Variants in PRKCA observed in about 807,000 individuals in gnomAD.
The protein encoded by PRKCA is protein kinase C alpha.
Under a neutral mutation model 87.0 loss-of-function variants are expected in PRKCA, and 27 were observed. The ratio of observed to expected loss-of-function variants is 0.31; its 90% confidence interval spans 0.23 to 0.43. The LOEUF is 0.43. Among genes scored for constraint, PRKCA ranks in the 20% least tolerant of loss-of-function variants. The probability of loss-of-function intolerance (pLI) is 1.00; values close to 1 mark genes in which losing one functional copy is unlikely to be tolerated. For missense variants in PRKCA, 518 were observed against 852.3 expected (o/e 0.61, Z 4.88); for synonymous variants, 329 against 311.1 (o/e 1.06, Z -0.61).
chr17:66,450,880 C>T (rs76401193), intron 2 of PRKCA, among the ~76,000 whole-genome samples: 239 of 152,290 alleles, frequency 1.6e-3, no homozygotes, highest in African/African-American at 5.4e-3. Flanking sequence ...TGGTTTTTAA[C>T]TTTTGATGAA....
At chr17:66,742,811 G>T (rs146433763) in intron 13 of PRKCA, 51 bp downstream of exon 13, 7 of 1,594,472 alleles carry the variant, frequency 4.4e-6, no homozygotes, top group African/African-American at 1.3e-5. Context: ...AACTGTAAAC[G>T]CAGCCCTCTC....
At chr17:66,382,843 C>A (rs1909839255) in intron 2 of PRKCA, among the ~76,000 whole-genome samples, 1 of 151,970 alleles carries the variant, frequency 6.6e-6, no homozygotes. Context: ...ACAGACACCC[C>A]CCCATTACCA....
intron 13 of PRKCA, among the ~76,000 whole-genome samples, chr17:66,773,383 C>T (rs780484339): frequency 1.3e-5 from 2 of 151,866 alleles, no homozygotes; most frequent in Non-Finnish European, 2.9e-5. Flanking sequence ...CACAAGAAAA[C>T]TATAATGTTT....
chr17:66,688,267 A>C (rs1235511523), intron 6 of PRKCA, 35 bp from the exon 7 acceptor site: 1 of 1,610,432 alleles, frequency 6.2e-7, no homozygotes, highest in Admixed American at 1.7e-5. Context: ...CATGATCAAG[A>C]TAACCTAGTG....
At chr17:66,471,346 C>T (rs1160897547) in intron 2 of PRKCA, among the ~76,000 whole-genome samples, 1 of 152,196 alleles carries the variant, frequency 6.6e-6, no homozygotes, top group Non-Finnish European at 1.5e-5. Context: ...TCTAAGAGAG[C>T]ATTTATCATT....
intron 8 of PRKCA, among the ~76,000 whole-genome samples, chr17:66,697,112 A>G (rs1279331019): frequency 6.6e-6 from 1 of 152,224 alleles, no homozygotes; most frequent in African/African-American, 2.4e-5. Context: ...TCGACCCATT[A>G]GACAAGTCAG....
chr17:66,798,387 T>G (rs1975721542), intron 16 of PRKCA, among the ~76,000 whole-genome samples: 1 of 115,658 alleles, frequency 8.6e-6, no homozygotes, highest in African/African-American at 4.2e-5. Context: ...GCGGTGGTGG[T>G]GGTGGTGGTG....
intron 16 of PRKCA, 78 bp downstream of exon 16, chr17:66,789,057 G>A (rs1376081285): frequency 1.4e-6 from 2 of 1,481,076 alleles, no homozygotes; most frequent in African/African-American, 2.2e-5. Context: ...CTCTTTTCTT[G>A]GAGAGAGGAG....
At chr17:66,310,816 C>G (rs1426017828) in intron 2 of PRKCA, among the ~76,000 whole-genome samples, 1 of 152,166 alleles carries the variant, frequency 6.6e-6, no homozygotes, top group African/African-American at 2.4e-5. Flanking sequence ...GCGCCGTTGT[C>G]CTCATCCGCC....
At chr17:66,660,883 T>G (rs4575573) in intron 5 of PRKCA, among the ~76,000 whole-genome samples, 7,812 of 152,080 alleles carry the variant, frequency 0.051, 682 homozygotes, top group African/African-American at 0.18. Flanking sequence ...CACTCCAGCC[T>G]GGGCAACAGA....
intron 3 of PRKCA, among the ~76,000 whole-genome samples, chr17:66,573,699 T>G (rs971436447): frequency 6.6e-6 from 1 of 152,250 alleles, no homozygotes; most frequent in African/African-American, 2.4e-5. Flanking sequence ...TGTTGTTGTT[T>G]TTAACAAGCT....
chr17:66,612,957 A>T (rs994765609), intron 3 of PRKCA, among the ~76,000 whole-genome samples: 10 of 152,236 alleles, frequency 6.6e-5, no homozygotes, highest in African/African-American at 2.4e-4. Context: ...TATTCTCAAC[A>T]TAAGTATTCT....
At chr17:66,497,012 C>G (rs1011506468) in intron 3 of PRKCA, among the ~76,000 whole-genome samples, 1 of 152,172 alleles carries the variant, frequency 6.6e-6, no homozygotes, top group Non-Finnish European at 1.5e-5. Context: ...ATGTAACAAA[C>G]TGCTCCTGGT....
At chr17:66,768,420 G>C (rs907568249) in intron 13 of PRKCA, among the ~76,000 whole-genome samples, 8 of 152,126 alleles carry the variant, frequency 5.3e-5, no homozygotes, top group Non-Finnish European at 8.8e-5. Context: ...TCTGGGGTAG[G>C]TTTATCTTTA....
chr17:66,380,875 TAC>T (rs1376921174), intron 2 of PRKCA, among the ~76,000 whole-genome samples: 1 of 151,994 alleles, frequency 6.6e-6, no homozygotes, highest in Non-Finnish European at 1.5e-5. Flanking sequence ...TGGGCAAAAA[TAC>T]AGTCTCATAT....
intron 2 of PRKCA, among the ~76,000 whole-genome samples, chr17:66,456,031 C>T (rs1295963341): frequency 6.6e-6 from 1 of 151,892 alleles, no homozygotes; most frequent in Non-Finnish European, 1.5e-5. Context: ...CAGGTGAAGA[C>T]ACAGAGACAC....
intron 13 of PRKCA, among the ~76,000 whole-genome samples, chr17:66,745,618 T>C (rs1003472763): frequency 2.0e-5 from 3 of 152,096 alleles, no homozygotes; most frequent in African/African-American, 7.2e-5. Context: ...GAGGCAGAGA[T>C]TGCAGTGAGC....
At chr17:66,791,627 C>T (rs747237264) in intron 16 of PRKCA, among the ~76,000 whole-genome samples, 9 of 152,208 alleles carry the variant, frequency 5.9e-5, no homozygotes, top group East Asian at 1.9e-4. Flanking sequence ...TGAGGCTCAT[C>T]GCAGCATGTC....
rs741140 is a variant in PRKCA at position 66,591,115 on chromosome 17, A to G, written c.289-50240A>G. Among the ~76,000 whole-genome samples, 1,020 of 152,198 alleles carry G rather than the reference A, an allele frequency of 6.7e-3. 39 individuals carry two copies. Among genetic ancestry groups the G allele is most frequent in the Admixed American group, 0.059 (894 of 15,276 alleles). ...ACTTGGTGTGGTCAATGCTCAATAC[A>G]TGTAAGCTTTTATTATTGTTGTTGT... On this transcript the variant is annotated intron_variant, in intron 3 of 16. Transcript: ENST00000413366.
Sources: gnomAD v4.1 joint callset for allele counts (sites outside exome capture counted in the v4.1 genomes callset) on GRCh38, gnomAD v4.1.1 for gene constraint, MANE v1.5 for transcripts, NCBI Gene and HGNC (gene_info 2026-07-23, HGNC 2026-07-21) for gene names.